The following ITGB3 variants were observed in gnomAD, a reference collection of about 807,000 sequenced individuals.
The protein encoded by ITGB3 is integrin subunit beta 3, also known as integrin beta-3.
Under a neutral mutation model 85.8 loss-of-function variants are expected in ITGB3, and 48 were observed. The ratio of observed to expected loss-of-function variants is 0.56; its 90% CI spans 0.44 to 0.71. The LOEUF is 0.71. Ranked by LOEUF, ITGB3 falls within the 30% of genes least tolerant of loss-of-function variation. The pLI, the probability that ITGB3 is intolerant of heterozygous loss-of-function variation, is 0.00. For missense variants in ITGB3, 861 were observed against 1,019.1 expected (o/e 0.84, Z 2.11); for synonymous variants, 363 against 395.6 (o/e 0.92, Z 0.98).
At chr17:47,302,229 A>G (rs1228602459) in intron 12 of ITGB3, among the ~76,000 whole-genome samples, 2 of 152,136 alleles carry the variant, frequency 1.3e-5, no homozygotes, top group East Asian at 3.9e-4. Flanking sequence ...GAAATAGAAC[A>G]GCTGCATAAG....
chr17:47,310,602 G>A lies in ITGB3; in HGVS notation c.*398G>A, dbSNP rs367621770. The A allele has an allele frequency of 3.7e-4, 119 of 321,404 alleles. No homozygotes were observed. The highest frequency in any genetic ancestry group is 2.5e-3 in the African/African-American group (116 of 46,782). The allele number at this position is 321,404 out of a possible 1,614,324, so 19.9% of individuals were successfully genotyped here. On this transcript the variant is annotated 3_prime_UTR_variant, in exon 15 of 15. Transcript: ENST00000559488. ...TGTCCCTGAAGAGAAGGGCAGGGCT[G>A]AGGCCTCTCATTCCAGAGGAAGGGA...
Position 47,310,508 on chromosome 17 carries a change from G to A in ITGB3, c.*304G>A. 2.1e-6 allele frequency: 1 copy of A among 465,606 alleles called. No homozygotes were observed. The highest frequency in any genetic ancestry group is 4.0e-6 in the Non-Finnish European group (1 of 248,510). The allele number at this position is 465,606 out of a possible 1,614,324, so 28.8% of individuals were successfully genotyped here. On this transcript the variant is annotated 3_prime_UTR_variant, in exon 15 of 15. Transcript: ENST00000559488. Reference sequence around the variant, plus strand: ...AGGGATTCTTCCTGCTTAGCTTGAGGGTGACTATGGAGCTGAGCAGGTGTT... The same window carrying A: ...AGGGATTCTTCCTGCTTAGCTTGAGAGTGACTATGGAGCTGAGCAGGTGTT...
At chr17:47,305,786 ATACT>A (rs1206646945) in intron 13 of ITGB3, 1 of 152,238 alleles carries the variant, frequency 6.6e-6, no homozygotes, top group African/African-American at 2.4e-5. Flanking sequence ...ACAGACACAA[ATACT>A]TACAGTGGCT....
Position 47,307,465 on chromosome 17 carries a change from TCA to T in ITGB3, c.2135-3_2135-2del, listed in dbSNP as rs1374807154. 6.2e-7 allele frequency: 1 copy of T among 1,613,850 alleles called. No homozygotes were observed. Among genetic ancestry groups the T allele is most frequent in the South Asian group, 1.1e-5 (1 of 91,052 alleles). ...AACCGCCCTGCTCTGTGCTTCTTCC[TCA>T]CAGAGTGTCCCAAGGGCCCTGACAT... On this transcript the variant is annotated splice_polypyrimidine_tract_variant and splice_region_variant and intron_variant, in intron 13 of 14. Coordinates refer to ENST00000559488, the MANE Select transcript of ITGB3 (RefSeq NM_000212.3).
chr17:47,275,433 G>A (rs1402892018), intron 2 of ITGB3, among the ~76,000 whole-genome samples: 5 of 152,120 alleles, frequency 3.3e-5, no homozygotes, highest in South Asian at 2.1e-4. Context: ...GAAGAGATTC[G>A]GTGATTATAG....
intron 4 of ITGB3, among the ~76,000 whole-genome samples, chr17:47,285,273 A>G (rs1192385566): frequency 6.6e-6 from 1 of 152,230 alleles, no homozygotes; most frequent in East Asian, 1.9e-4. Context: ...AATAACTTAC[A>G]ATGCTGGTTG....
intron 1 of ITGB3, among the ~76,000 whole-genome samples, chr17:47,267,462 A>C (rs559672962): frequency 6.6e-6 from 1 of 152,190 alleles, no homozygotes; most frequent in Admixed American, 6.5e-5. Flanking sequence ...TTGAATCAGC[A>C]TGGGCTCAGT....
At chr17:47,275,560 T>C (rs1768333260) in intron 2 of ITGB3, among the ~76,000 whole-genome samples, 1 of 152,162 alleles carries the variant, frequency 6.6e-6, no homozygotes, top group South Asian at 2.1e-4. Context: ...CCCTCTCCAG[T>C]TTTATGACCG....
At chr17:47,269,522 A>G (rs1648975150) in intron 1 of ITGB3, among the ~76,000 whole-genome samples, 1 of 152,148 alleles carries the variant, frequency 6.6e-6, no homozygotes, top group Admixed American at 6.6e-5. Flanking sequence ...AGGAAGCATG[A>G]CCTTTACTCC....
In ITGB3 at chr17:47,299,277, G is replaced by T. The variant is rs752635063; in HGVS notation, c.1691-31G>T. ...CCATGGGAGTGGAGCTCTCGCCAGC[G>T]GGTCCACCTTCCTGGGCTGTGTGTT... On this transcript the variant is annotated intron_variant, in intron 10 of 14. Coordinates refer to ENST00000559488, the MANE Select transcript of ITGB3 (RefSeq NM_000212.3). The surrounding 1 kb of genome is among the most constrained non-coding windows in gnomAD (Gnocchi z 5.1). 6.2e-7 allele frequency: 1 copy of T among 1,603,876 alleles called. No individual in the cohort carries two copies. Among genetic ancestry groups the T allele is most frequent in the Non-Finnish European group, 8.5e-7 (1 of 1,173,096 alleles).
In ITGB3 at chr17:47,299,236, C is replaced by T. The variant is rs551539847; in HGVS notation, c.1691-72C>T. 23 of 1,396,164 alleles carry T rather than the reference C, an allele frequency of 1.6e-5. No homozygotes were observed. Among genetic ancestry groups the T allele is most frequent in the East Asian group, 6.8e-5 (3 of 43,824 alleles). The allele number at this position is 1,396,164 out of a possible 1,614,324, so 86.5% of individuals were successfully genotyped here. On this transcript the variant is annotated intron_variant, in intron 10 of 14. Coordinates refer to ENST00000559488, the MANE Select transcript of ITGB3 (RefSeq NM_000212.3). The surrounding 1 kb of genome is among the most constrained non-coding windows in gnomAD (Gnocchi z 5.1). Reference sequence around the variant, plus strand: ...TGTGTGGTTGGGAGAGCAGGATGGTCGTGTGTAGCCTGCTGCCATGGGAGT... The same window carrying T: ...TGTGTGGTTGGGAGAGCAGGATGGTTGTGTGTAGCCTGCTGCCATGGGAGT...
At chr17:47,307,028 A>G (rs2065190937) in intron 13 of ITGB3, among the ~76,000 whole-genome samples, 1 of 152,064 alleles carries the variant, frequency 6.6e-6, no homozygotes, top group African/African-American at 2.4e-5. Context: ...TTAGGGGTAC[A>G]TGTGTGGGTT....
At chr17:47,303,755 C>T (rs1281276827) in intron 13 of ITGB3, 1 of 152,246 alleles carries the variant, frequency 6.6e-6, no homozygotes, top group Non-Finnish European at 1.5e-5. Context: ...GCTTGCTTCC[C>T]TTTAACACCT....
intron 1 of ITGB3, among the ~76,000 whole-genome samples, chr17:47,266,824 C>T (rs1483012079): frequency 6.6e-6 from 1 of 152,054 alleles, no homozygotes; most frequent in Admixed American, 6.5e-5. Flanking sequence ...TCAAGCAATC[C>T]TCCTGCCTTG....
chr17:47,256,095 TCA>T, intron 1 of ITGB3, among the ~76,000 whole-genome samples: 1 of 152,202 alleles, frequency 6.6e-6, no homozygotes. Context: ...ATTTTCACAT[TCA>T]CAGTCTTCTA....
intron 1 of ITGB3, among the ~76,000 whole-genome samples, chr17:47,260,948 A>G (rs2065007060): frequency 6.6e-6 from 1 of 152,202 alleles, no homozygotes; most frequent in Admixed American, 6.5e-5. Flanking sequence ...ATTACCTCAC[A>G]TACATACTTC....
intron 6 of ITGB3, among the ~76,000 whole-genome samples, chr17:47,289,474 C>T (rs901477814): frequency 2.0e-5 from 3 of 152,072 alleles, no homozygotes; most frequent in Admixed American, 6.6e-5. Context: ...AGGCACTTAC[C>T]ACCACATCTG....
chr17:47,310,620 G>T lies in ITGB3; in HGVS notation c.*416G>T. 1 of 305,266 alleles carries T rather than the reference G, an allele frequency of 3.3e-6. No homozygotes were observed. Among genetic ancestry groups the T allele is most frequent in the Non-Finnish European group, 6.4e-6 (1 of 155,306 alleles). The allele number at this position is 305,266 out of a possible 1,614,324, so 18.9% of individuals were successfully genotyped here. ...CAGGGCTGAGGCCTCTCATTCCAGA[G>T]GAAGGGACACCAAGCCTTGGCTCTA... On this transcript the variant is annotated 3_prime_UTR_variant, in exon 15 of 15. Transcript: ENST00000559488.
chr17:47,268,456 G>A (rs1007036211), intron 1 of ITGB3, among the ~76,000 whole-genome samples: 17 of 152,190 alleles, frequency 1.1e-4, no homozygotes, highest in African/African-American at 4.1e-4. Context: ...CGGGAGTGGA[G>A]GCATTGGGTA....
Sources: gnomAD v4.1 joint callset for allele counts (sites outside exome capture counted in the v4.1 genomes callset) on GRCh38, gnomAD v4.1.1 for gene constraint, Gnocchi (gnomAD v3.1) non-coding constraint, MANE v1.5 for transcripts, NCBI Gene and HGNC (gene_info 2026-07-23, HGNC 2026-07-21) for gene names.